ST3GAL3: variants seen among roughly 807,000 people sequenced by gnomAD.
The protein encoded by ST3GAL3 is CMP-N-acetylneuraminate-beta-1,4-galactoside alpha-2,3-sialyltransferase.
In ST3GAL3, 21 loss-of-function variants were observed where a neutral mutation model predicts 50.1. The ratio of observed to expected loss-of-function variants is 0.42; its 90% confidence interval spans 0.30 to 0.60. The LOEUF (loss-of-function observed/expected upper bound fraction) is 0.60, where lower values mean the gene tolerates loss of function less well. ST3GAL3 is among the 20% of genes least tolerant of loss of function. ST3GAL3 has a pLI of 0.19. For missense variants in ST3GAL3, 353 were observed against 489.4 expected (o/e 0.72, Z 2.63); for synonymous variants, 183 against 190.0 (o/e 0.96, Z 0.30).
At chr1:43,752,783 C>T (rs1686663633) in intron 2 of ST3GAL3, among the ~76,000 whole-genome samples, 1 of 152,166 alleles carries the variant, frequency 6.6e-6, no homozygotes, top group Non-Finnish European at 1.5e-5. Flanking sequence ...CATGAGCCAC[C>T]ACGTCCAGTC....
chr1:43,927,218 A>G (rs2084151667), intron 11 of ST3GAL3, among the ~76,000 whole-genome samples: 2 of 152,042 alleles, frequency 1.3e-5, no homozygotes, highest in Admixed American at 6.5e-5. Flanking sequence ...CCAGCTACTC[A>G]GGAGGCTGAG....
At position 43,899,778 on chromosome 1, in the gene ST3GAL3, A is replaced by G. The variant is rs763717157; in HGVS notation, c.744+51A>G. ...TCCCCTCTTGCCCTGGGCTTCCGCA[A>G]CTCCTAAGCAATCCCGCCCCTTGAA... is the stretch of plus-strand genomic sequence containing the variant. On this transcript the variant is annotated intron_variant, in intron 9 of 11. Transcript: ENST00000347631. The surrounding 1 kb of genome is among the most constrained non-coding windows in gnomAD (Gnocchi z 5.4). 10 of 1,530,826 alleles carry G rather than the reference A, an allele frequency of 6.5e-6. No individual in the cohort carries two copies. The Admixed American group carries it at 1.5e-4, about 23-fold the overall frequency. 94.8% of individuals were successfully genotyped at this position (1,530,826 alleles called of 1,614,324 possible). A position where few individuals can be genotyped will look rare whatever the true frequency, so the allele number is the denominator to read the frequency against.
chr1:43,729,989 A>T (rs1324058380), intron 1 of ST3GAL3, among the ~76,000 whole-genome samples: 2 of 152,256 alleles, frequency 1.3e-5, no homozygotes, highest in Non-Finnish European at 2.9e-5. Flanking sequence ...AGAATGTGTC[A>T]GACTTTTGTC....
intron 2 of ST3GAL3, among the ~76,000 whole-genome samples, chr1:43,766,240 A>T (rs1252060149): frequency 1.3e-5 from 2 of 152,150 alleles, no homozygotes; most frequent in East Asian, 3.9e-4. Flanking sequence ...ATTACTGCTG[A>T]CTGACAGCTT....
At chr1:43,787,990 C>T (rs1365644549) in intron 2 of ST3GAL3, among the ~76,000 whole-genome samples, 1 of 152,186 alleles carries the variant, frequency 6.6e-6, no homozygotes, top group Non-Finnish European at 1.5e-5. Flanking sequence ...CATTCAAGAA[C>T]CTGCCATCCT....
At chr1:43,812,962 G>T (rs530709518) in intron 3 of ST3GAL3, among the ~76,000 whole-genome samples, 1 of 152,238 alleles carries the variant, frequency 6.6e-6, no homozygotes, top group South Asian at 2.1e-4. Flanking sequence ...TTACTATACA[G>T]AAAATATATG....
intron 1 of ST3GAL3, among the ~76,000 whole-genome samples, chr1:43,717,225 A>G (rs1016847375): frequency 6.6e-6 from 1 of 152,200 alleles, no homozygotes; most frequent in Non-Finnish European, 1.5e-5. Context: ...CCTTGAGGGC[A>G]GGCACCACTC....
At chr1:43,847,253 A>G (rs2154209150) in intron 5 of ST3GAL3, among the ~76,000 whole-genome samples, 1 of 152,360 alleles carries the variant, frequency 6.6e-6, no homozygotes, top group South Asian at 2.1e-4. Context: ...TCCTAAAAAC[A>G]TTGAAAATAG....
intron 2 of ST3GAL3, among the ~76,000 whole-genome samples, chr1:43,774,116 C>T (rs1344157266): frequency 6.6e-6 from 1 of 152,114 alleles, no homozygotes; most frequent in Admixed American, 6.5e-5. Context: ...AAAATTTATT[C>T]AAACACAGAT....
At position 43,926,340 on chromosome 1, in the gene ST3GAL3, G is replaced by A. The variant is rs1161228100; in HGVS notation, c.1039-3792G>A. Reference sequence around the variant, plus strand: ...GCGGTCCCTCACGCCTGTAATCCCAGCACTTTGGGAGGCCAAGGCGGATGG... The same window carrying A: ...GCGGTCCCTCACGCCTGTAATCCCAACACTTTGGGAGGCCAAGGCGGATGG... On this transcript the variant is annotated intron_variant, in intron 11 of 11. Coordinates refer to ENST00000347631, the MANE Select transcript of ST3GAL3 (RefSeq NM_006279.5). Among the ~76,000 whole-genome samples the A allele has an allele frequency of 2.6e-5, 4 of 152,324 alleles. No homozygotes were observed. The East Asian group carries it at 7.7e-4, about 29-fold the overall frequency.
chr1:43,813,928 C>T (rs1272207458), intron 3 of ST3GAL3, among the ~76,000 whole-genome samples: 1 of 146,454 alleles, frequency 6.8e-6, no homozygotes, highest in Non-Finnish European at 1.5e-5. Flanking sequence ...CACACACACA[C>T]ACACACTGCA....
At chr1:43,775,738 A>T (rs1696974938) in intron 2 of ST3GAL3, among the ~76,000 whole-genome samples, 1 of 152,126 alleles carries the variant, frequency 6.6e-6, no homozygotes, top group Non-Finnish European at 1.5e-5. Flanking sequence ...ACCCTTGTTC[A>T]GCATAGTTAC....
At chr1:43,784,734 G>A (rs1381898593) in intron 2 of ST3GAL3, among the ~76,000 whole-genome samples, 1 of 152,184 alleles carries the variant, frequency 6.6e-6, no homozygotes, top group Non-Finnish European at 1.5e-5. Flanking sequence ...CTTGACATAA[G>A]TATACTGCAT....
chr1:43,930,203 T>C lies in ST3GAL3; in HGVS notation c.1110T>C (p.Asp370=), dbSNP rs776626623. ...TGGTGAAAGCTCGCGTCATCACTGA[T>C]CTAAGCAGTGGCATCTGAGTGGGCC... ...RKLVKARVIT[D]LSSGI is the part of the protein sequence containing the mutation. Residue 370 remains aspartate, a synonymous_variant, in exon 12 of 12, where the codon GAT becomes GAC. Coordinates refer to ENST00000347631, the MANE Select transcript of ST3GAL3 (RefSeq NM_006279.5). The C allele has an allele frequency of 1.9e-6, 3 of 1,613,780 alleles. No individual in the cohort carries two copies.
chr1:43,901,486 T>C (rs2078263273), intron 9 of ST3GAL3, among the ~76,000 whole-genome samples: 1 of 152,150 alleles, frequency 6.6e-6, no homozygotes, highest in African/African-American at 2.4e-5. Flanking sequence ...AGAACACCAA[T>C]GTCAGTTAAT....
intron 2 of ST3GAL3, among the ~76,000 whole-genome samples, chr1:43,775,079 C>G (rs577487062): frequency 6.6e-6 from 1 of 152,276 alleles, no homozygotes; most frequent in East Asian, 1.9e-4. Context: ...CTGGCGCGTT[C>G]TCTTTCCTAG....
At chr1:43,824,693 G>A (rs369539303) in intron 4 of ST3GAL3, 1 of 1,613,324 alleles carries the variant, frequency 6.2e-7, no homozygotes, top group Non-Finnish European at 8.5e-7. Flanking sequence ...CTTGAGCTAT[G>A]TGATCAAGAC....
chr1:43,748,721 C>T (rs1415848354), intron 2 of ST3GAL3, among the ~76,000 whole-genome samples: 1 of 152,148 alleles, frequency 6.6e-6, no homozygotes, highest in South Asian at 2.1e-4. Flanking sequence ...CCTTGCCAGA[C>T]CTGTTTTTAA....
intron 4 of ST3GAL3, among the ~76,000 whole-genome samples, chr1:43,835,231 T>C (rs2064136344): frequency 6.6e-6 from 1 of 152,020 alleles, no homozygotes; most frequent in African/African-American, 2.4e-5. Flanking sequence ...GTGAGTGCCT[T>C]AGAGAGACTG....
Sources: allele counts gnomAD v4.1 joint callset (sites outside exome capture counted in the v4.1 genomes callset), GRCh38; gene constraint gnomAD v4.1.1; non-coding constraint Gnocchi (gnomAD v3.1); transcripts MANE v1.5; gene names NCBI Gene and HGNC (gene_info 2026-07-23, HGNC 2026-07-21).